Variants in MYOCD observed in about 807,000 individuals in gnomAD.
MYOCD encodes the protein myocardin.
Under a neutral mutation model 96.1 loss-of-function variants are expected in MYOCD, and 32 were observed. The observed-to-expected ratio is 0.33, with a 90% CI of 0.25 to 0.45. The LOEUF is 0.45. MYOCD is among the 20% of genes least tolerant of loss of function. MYOCD has a pLI of 1.00. For synonymous variants in MYOCD, 469 were observed against 469.0 expected (o/e 1.00, Z 0.00); for missense variants, 1,133 against 1,200.6 (o/e 0.94, Z 0.83).
intron 1 of MYOCD, among the ~76,000 whole-genome samples, chr17:12,700,539 G>C (rs762965044): frequency 7.5e-5 from 11 of 146,468 alleles, no homozygotes; most frequent in African/African-American, 2.5e-4. Context: ...TCAGCCTCCC[G>C]AGTAGCTGGG....
chr17:12,712,049 G>A (rs2031496925), intron 2 of MYOCD, among the ~76,000 whole-genome samples: 1 of 151,204 alleles, frequency 6.6e-6, no homozygotes, highest in South Asian at 2.1e-4. Flanking sequence ...TTTTAGAAGA[G>A]ACAGGGTTTC....
At chr17:12,675,727 C>T (rs1026858180) in intron 1 of MYOCD, among the ~76,000 whole-genome samples, 9 of 152,092 alleles carry the variant, frequency 5.9e-5, no homozygotes, top group African/African-American at 1.7e-4. Flanking sequence ...GCACTGGTGG[C>T]GCAAGCCTGT....
chr17:12,726,927 T>G (rs2032017017), intron 5 of MYOCD, among the ~76,000 whole-genome samples: 1 of 152,150 alleles, frequency 6.6e-6, no homozygotes, highest in African/African-American at 2.4e-5. Flanking sequence ...CACTCAAATT[T>G]TCTCCTTAAT....
At chr17:12,717,587 C>A (rs1293661665) in intron 4 of MYOCD, among the ~76,000 whole-genome samples, 166 bp downstream of exon 4, 2 of 152,182 alleles carry the variant, frequency 1.3e-5, no homozygotes, top group African/African-American at 4.8e-5. Flanking sequence ...CACGTAGATA[C>A]CCAAGTTGGG....
chr17:12,757,745 C>T (rs1411451930), intron 11 of MYOCD, among the ~76,000 whole-genome samples: 3 of 152,096 alleles, frequency 2.0e-5, no homozygotes, highest in African/African-American at 7.2e-5. Flanking sequence ...CTGCCCACCT[C>T]GGCCTCCCAA....
rs766278760 is a variant in MYOCD at position 12,681,699 on chromosome 17, G to T, written c.55+15456G>T. On this transcript the variant is annotated intron_variant, in intron 1 of 13. Transcript: ENST00000425538. ...GATGAAGAAAGAACAGTGTGTACCTGGTCTCAGCCCCCGCTGCTTGAGTGC... is the reference window on the plus strand; with the variant it reads ...GATGAAGAAAGAACAGTGTGTACCTTGTCTCAGCCCCCGCTGCTTGAGTGC... Among the ~76,000 whole-genome samples the T allele has an allele frequency of 1.2e-4, 18 of 152,238 alleles. No homozygotes were observed. The East Asian group carries it at 1.4e-3, about 11-fold the overall frequency.
In MYOCD at chr17:12,697,357, ATATTTTTT is replaced by A. The variant is rs1437015298; in HGVS notation, c.56-7769_56-7762del. Among the ~76,000 whole-genome samples, 142 of 86,988 alleles carry A rather than the reference ATATTTTTT, an allele frequency of 1.6e-3. 1 individual carries two copies. The highest frequency in any genetic ancestry group is 6.1e-3 in the Middle Eastern group (1 of 164). The allele number at this position is 86,988 out of a possible 152,430, so 57.1% of individuals were successfully genotyped here. A position where few individuals can be genotyped will look rare whatever the true frequency, so the allele number is the denominator to read the frequency against. ...GGAGTATATATATATATATATATAT[ATATTTTTT>A]TTTTTTTTTTTTTTTGAGACGGGGT... On this transcript the variant is annotated intron_variant, in intron 1 of 13. Transcript: ENST00000425538.
At chr17:12,716,702 T>C (rs910511609) in intron 3 of MYOCD, among the ~76,000 whole-genome samples, 8 of 152,154 alleles carry the variant, frequency 5.3e-5, no homozygotes, top group African/African-American at 1.9e-4. Context: ...AAATGGAGGC[T>C]GGGTGCTGTG....
rs76099996 is a variant in MYOCD at position 12,741,717 on chromosome 17, A to T, written c.717+2389A>T. ...AGAGCGAGACTCTGTATATATATAT[A>T]AAAAAAAAAAAAATTAGCAAAGCCT... On this transcript the variant is annotated intron_variant, in intron 7 of 13. Transcript: ENST00000425538. Among the ~76,000 whole-genome samples the T allele has an allele frequency of 6.8e-5, 9 of 131,718 alleles. No homozygotes were observed. In the South Asian group the frequency reaches 1.4e-3, roughly 21 times the overall value. The allele number at this position is 131,718 out of a possible 152,430, so 86.4% of individuals were successfully genotyped here.
At chr17:12,752,027 C>T (rs542418408) in intron 9 of MYOCD, among the ~76,000 whole-genome samples, 1 of 152,264 alleles carries the variant, frequency 6.6e-6, no homozygotes, top group Admixed American at 6.5e-5. Flanking sequence ...AGAAAAGCTG[C>T]AGACTTTGCT....
intron 5 of MYOCD, among the ~76,000 whole-genome samples, chr17:12,727,368 G>C (rs904428359): frequency 4.2e-4 from 64 of 152,164 alleles, no homozygotes; most frequent in African/African-American, 1.5e-3. Context: ...AAGACAGAGA[G>C]AGTTGCTTAG....
intron 1 of MYOCD, among the ~76,000 whole-genome samples, chr17:12,678,098 G>A (rs1391221235): frequency 6.6e-6 from 1 of 151,382 alleles, no homozygotes; most frequent in Non-Finnish European, 1.5e-5. Context: ...TCACCATGTT[G>A]GCCTGGATGG....
In MYOCD at chr17:12,693,633, TAAAATAAAA is replaced by T. The variant is rs2030586249; in HGVS notation, c.56-11494_56-11486del. On this transcript the variant is annotated intron_variant, in intron 1 of 13. Coordinates refer to ENST00000425538, the MANE Select transcript of MYOCD (RefSeq NM_001146312.3). ...TCAAAAAAAATAAAATAGAATAAAA[TAAAATAAAA>T]TAAAATAAAATAAAATAAAATAAAA... Among the ~76,000 whole-genome samples the T allele has an allele frequency of 2.9e-5, 3 of 101,722 alleles. No homozygotes were observed. In the Admixed American group the frequency reaches 3.8e-4, roughly 13 times the overall value. The allele number at this position is 101,722 out of a possible 152,430, so 66.7% of individuals were successfully genotyped here.
At chr17:12,727,793 C>T (rs2032043023) in intron 5 of MYOCD, among the ~76,000 whole-genome samples, 1 of 152,164 alleles carries the variant, frequency 6.6e-6, no homozygotes, top group African/African-American at 2.4e-5. Flanking sequence ...CCTTCTTACT[C>T]CCAGACATCA....
chr17:12,746,241 A>T (rs2032661503), intron 9 of MYOCD, among the ~76,000 whole-genome samples, 169 bp downstream of exon 9: 1 of 152,172 alleles, frequency 6.6e-6, no homozygotes, highest in Admixed American at 6.5e-5. Flanking sequence ...TGAACACCCC[A>T]GTTGTCTAGT....
chr17:12,758,425 T>G, intron 12 of MYOCD: 1 of 713,868 alleles, frequency 1.4e-6, no homozygotes, highest in South Asian at 2.0e-5. Context: ...GTCACCTGTC[T>G]GGCTTTGGTA....
At chr17:12,737,199 G>A (rs948098867) in intron 6 of MYOCD, among the ~76,000 whole-genome samples, 4 of 152,060 alleles carry the variant, frequency 2.6e-5, no homozygotes, top group Non-Finnish European at 5.9e-5. Flanking sequence ...AGGTTGCAGT[G>A]AGCTGAGATC....
At chr17:12,705,509 TC>T (rs1183278325) in intron 2 of MYOCD, 1 of 212,664 alleles carries the variant, frequency 4.7e-6, no homozygotes, top group South Asian at 1.8e-4. Context: ...TAATATTCTT[TC>T]CAGAAGCATC....
chr17:12,717,328 C>T lies in MYOCD; in HGVS notation c.178-18C>T, dbSNP rs1158161171. Reference sequence around the variant, plus strand: ...TAAAAGGTAAAACTAGGTGATTTCTCTTGTTTGGGTTCTACAGGCTAAAAA... The same window carrying T: ...TAAAAGGTAAAACTAGGTGATTTCTTTTGTTTGGGTTCTACAGGCTAAAAA... On this transcript the variant is annotated intron_variant, in intron 3 of 13. Coordinates refer to ENST00000425538, the MANE Select transcript of MYOCD (RefSeq NM_001146312.3). 4 of 1,607,328 alleles carry T rather than the reference C, an allele frequency of 2.5e-6. No homozygotes were observed. Among genetic ancestry groups the T allele is most frequent in the Non-Finnish European group, 3.4e-6 (4 of 1,174,898 alleles).
Sources: gnomAD v4.1 joint callset for allele counts (sites outside exome capture counted in the v4.1 genomes callset) on GRCh38, gnomAD v4.1.1 for gene constraint, MANE v1.5 for transcripts, NCBI Gene and HGNC (gene_info 2026-07-23, HGNC 2026-07-21) for gene names.